TAFA4: variants seen among roughly 807,000 people sequenced by gnomAD.
TAFA4 encodes the protein TAFA chemokine like family member 4.
TAFA4 carries 20 observed loss-of-function variants against 21.1 expected under a neutral mutation model. The ratio of observed to expected loss-of-function variants is 0.95; its 90% CI spans 0.67 to 1.38. The LOEUF is 1.38. Among genes scored for constraint, TAFA4 ranks in the 40% most tolerant of loss-of-function variants. The probability of loss-of-function intolerance (pLI) is 0.00; values close to 1 mark genes in which losing one functional copy is unlikely to be tolerated. For missense variants in TAFA4, 211 were observed against 180.9 expected (o/e 1.17, Z -0.95); for synonymous variants, 71 against 67.4 (o/e 1.05, Z -0.26).
intron 1 of TAFA4, among the ~76,000 whole-genome samples, chr3:68,904,552 C>T (rs2089878544): frequency 6.6e-6 from 1 of 152,148 alleles, no homozygotes; most frequent in African/African-American, 2.4e-5. Context: ...AAAGGACAGG[C>T]AACAATGAAG....
At chr3:68,781,602 T>C (rs1459523546) in intron 3 of TAFA4, among the ~76,000 whole-genome samples, 4 of 152,076 alleles carry the variant, frequency 2.6e-5, no homozygotes, top group African/African-American at 7.2e-5. Context: ...CTATATCAAA[T>C]AAATTAAAAT....
At chr3:68,891,734 G>T (rs112401175) in intron 1 of TAFA4, among the ~76,000 whole-genome samples, 2 of 152,112 alleles carry the variant, frequency 1.3e-5, no homozygotes, top group African/African-American at 2.4e-5. Context: ...GGGTAGGGAT[G>T]GGGGGAGACT....
chr3:68,791,812 C>T (rs77764268), intron 3 of TAFA4, among the ~76,000 whole-genome samples: 1 of 152,156 alleles, frequency 6.6e-6, no homozygotes, highest in Non-Finnish European at 1.5e-5. Context: ...GGAGCAGCAG[C>T]TTTTCAGCTC....
At chr3:68,889,263 T>C (rs1186111776) in intron 1 of TAFA4, among the ~76,000 whole-genome samples, 1 of 152,192 alleles carries the variant, frequency 6.6e-6, no homozygotes, top group East Asian at 1.9e-4. Context: ...CAGTTACTGA[T>C]TTACTACAAA....
chr3:68,801,769 T>A (rs1703583121), intron 3 of TAFA4, among the ~76,000 whole-genome samples: 1 of 152,164 alleles, frequency 6.6e-6, no homozygotes, highest in Non-Finnish European at 1.5e-5. Context: ...ATGTCAAGAT[T>A]ATTCTCAGCT....
At chr3:68,861,167 T>A (rs2089337522) in intron 3 of TAFA4, among the ~76,000 whole-genome samples, 2 of 151,692 alleles carry the variant, frequency 1.3e-5, no homozygotes, top group South Asian at 4.2e-4. Flanking sequence ...TCCATTTGTC[T>A]TTCTCTCGGG....
intron 1 of TAFA4, among the ~76,000 whole-genome samples, chr3:68,908,973 A>G (rs1186887383): frequency 1.3e-5 from 2 of 152,166 alleles, no homozygotes; most frequent in Non-Finnish European, 2.9e-5. Flanking sequence ...TCTATCTCCA[A>G]TGCAGTAGTC....
intron 3 of TAFA4, among the ~76,000 whole-genome samples, chr3:68,835,816 A>G (rs559184239): frequency 3.3e-5 from 5 of 152,258 alleles, no homozygotes; most frequent in South Asian, 2.1e-4. Context: ...GTTCCCAAGC[A>G]TCAAATGCCA....
intron 3 of TAFA4, among the ~76,000 whole-genome samples, chr3:68,829,142 C>T (rs1161017962): frequency 6.6e-6 from 1 of 152,162 alleles, no homozygotes; most frequent in Admixed American, 6.5e-5. Flanking sequence ...TACCTGACTT[C>T]AAACTATACT....
At chr3:68,894,313 C>A (rs1415330105) in intron 1 of TAFA4, among the ~76,000 whole-genome samples, 1 of 152,160 alleles carries the variant, frequency 6.6e-6, no homozygotes, top group Non-Finnish European at 1.5e-5. Context: ...CACGCATCCC[C>A]ATGCCTGGCT....
At chr3:68,794,458 AC>A (rs2106817571) in intron 3 of TAFA4, among the ~76,000 whole-genome samples, 1 of 152,260 alleles carries the variant, frequency 6.6e-6, no homozygotes, top group East Asian at 1.9e-4. Flanking sequence ...ATAAATATAA[AC>A]AACAGGGACA....
intron 3 of TAFA4, among the ~76,000 whole-genome samples, chr3:68,764,073 C>A (rs1702805197): frequency 6.6e-6 from 1 of 152,158 alleles, no homozygotes; most frequent in African/African-American, 2.4e-5. Flanking sequence ...TTGTCCCCTA[C>A]AAATTCATAT....
intron 3 of TAFA4, among the ~76,000 whole-genome samples, chr3:68,840,422 G>A (rs1704634136): frequency 6.6e-6 from 1 of 151,956 alleles, no homozygotes; most frequent in South Asian, 2.1e-4. Context: ...TCACCATGTT[G>A]CCCAGGCTAG....
At chr3:68,763,724 TCTA>T (rs1009303060) in intron 3 of TAFA4, among the ~76,000 whole-genome samples, 10 of 152,086 alleles carry the variant, frequency 6.6e-5, no homozygotes, top group African/African-American at 2.4e-4. Flanking sequence ...TAATCAGAAG[TCTA>T]CTATCTGTTT....
chr3:68,738,565 G>C (rs1051413971), intron 5 of TAFA4, among the ~76,000 whole-genome samples: 4 of 152,198 alleles, frequency 2.6e-5, no homozygotes, highest in African/African-American at 9.7e-5. Context: ...ACTGAACATA[G>C]GAAGAAGGTA....
chr3:68,820,523 T>C (rs973452655), intron 3 of TAFA4, among the ~76,000 whole-genome samples: 1 of 151,222 alleles, frequency 6.6e-6, no homozygotes, highest in Non-Finnish European at 1.5e-5. Flanking sequence ...AAAAAAAAAA[T>C]AAAAAATTAG....
At chr3:68,739,720 CA>C in intron 4 of TAFA4, among the ~76,000 whole-genome samples, 1 of 152,184 alleles carries the variant, frequency 6.6e-6, no homozygotes, top group East Asian at 1.9e-4. Flanking sequence ...CTGTCTTTTA[CA>C]GCACCATGGA....
intron 1 of TAFA4, among the ~76,000 whole-genome samples, chr3:68,922,863 A>G (rs1342080426): frequency 6.6e-6 from 1 of 152,130 alleles, no homozygotes; most frequent in African/African-American, 2.4e-5. Flanking sequence ...CTTTTCCCCT[A>G]CTACTGAGAA....
chr3:68,753,850 C>A (rs1702609514), intron 3 of TAFA4, among the ~76,000 whole-genome samples: 1 of 152,184 alleles, frequency 6.6e-6, no homozygotes, highest in Non-Finnish European at 1.5e-5. Context: ...TGATTCTTCC[C>A]CAGAGCCTCC....
Sources: gnomAD v4.1 joint callset for allele counts (sites outside exome capture counted in the v4.1 genomes callset) on GRCh38, gnomAD v4.1.1 for gene constraint, MANE v1.5 for transcripts, NCBI Gene and HGNC (gene_info 2026-07-23, HGNC 2026-07-21) for gene names.